SNTG2: variants seen among roughly 807,000 people sequenced by gnomAD.
SNTG2 encodes syntrophin gamma 2.
A neutral mutation model predicts 70.9 loss-of-function variants in SNTG2; 74 were observed. The ratio of observed to expected loss-of-function variants is 1.04; its 90% CI spans 0.86 to 1.27. The LOEUF (loss-of-function observed/expected upper bound fraction) is 1.27, where lower values mean the gene tolerates loss of function less well. SNTG2 is among the 50% of genes most tolerant of loss of function. The pLI, the probability that SNTG2 is intolerant of heterozygous loss-of-function variation, is 0.00. For synonymous variants in SNTG2, 278 were observed against 273.8 expected (o/e 1.02, Z -0.15); for missense variants, 717 against 690.7 (o/e 1.04, Z -0.43).
At chr2:1,137,024 C>T (rs148706944) in intron 4 of SNTG2, among the ~76,000 whole-genome samples, 4 of 152,260 alleles carry the variant, frequency 2.6e-5, no homozygotes, top group East Asian at 1.9e-4. Context: ...CCCTTTGTTA[C>T]GAGGAAGTGA....
intron 14 of SNTG2, among the ~76,000 whole-genome samples, chr2:1,290,171 G>T (rs1679931316): frequency 6.6e-6 from 1 of 152,110 alleles, no homozygotes; most frequent in Non-Finnish European, 1.5e-5. Context: ...TGGTTTAATT[G>T]ACTCACAGTT....
At chr2:1,222,528 G>GATCTTGTGTCT (rs1572780111) in intron 9 of SNTG2, among the ~76,000 whole-genome samples, 4 of 126,804 alleles carry the variant, frequency 3.2e-5, no homozygotes, top group East Asian at 4.6e-4. Flanking sequence ...CCTGCCTGCT[G>GATCTTGTGTCT]CTGGAGGTGC....
intron 1 of SNTG2, among the ~76,000 whole-genome samples, chr2:969,541 A>G (rs1660674290): frequency 6.6e-6 from 1 of 152,074 alleles, no homozygotes; most frequent in South Asian, 2.1e-4. Context: ...ATTTCTTTCA[A>G]CAGTGTTATC....
intron 1 of SNTG2, among the ~76,000 whole-genome samples, chr2:1,069,073 CAGTG>C (rs1663348101): frequency 6.6e-6 from 1 of 152,168 alleles, no homozygotes; most frequent in Non-Finnish European, 1.5e-5. Flanking sequence ...TTTCCAGTCA[CAGTG>C]AGGAATGTGT....
At chr2:1,002,951 A>G (rs183559026) in intron 1 of SNTG2, among the ~76,000 whole-genome samples, 3 of 152,094 alleles carry the variant, frequency 2.0e-5, no homozygotes, top group Non-Finnish European at 2.9e-5. Context: ...TTTCAGCAAC[A>G]TGGATGGAAG....
chr2:1,057,270 A>G (rs1376714864), intron 1 of SNTG2, among the ~76,000 whole-genome samples: 1 of 152,044 alleles, frequency 6.6e-6, no homozygotes, highest in Non-Finnish European at 1.5e-5. Flanking sequence ...TTTTATCTCT[A>G]TTCTGGCTGT....
At chr2:990,701 G>C (rs947429089) in intron 1 of SNTG2, among the ~76,000 whole-genome samples, 1 of 152,072 alleles carries the variant, frequency 6.6e-6, no homozygotes, top group Non-Finnish European at 1.5e-5. Context: ...TCAGTTCTAT[G>C]CATTATCAAT....
At chr2:1,065,944 A>G (rs961338935) in intron 1 of SNTG2, among the ~76,000 whole-genome samples, 1 of 152,214 alleles carries the variant, frequency 6.6e-6, no homozygotes, top group African/African-American at 2.4e-5. Flanking sequence ...ATAATCACAC[A>G]AGATTATCTA....
intron 16 of SNTG2, 65 bp downstream of exon 16, chr2:1,316,440 C>T (rs986184321): frequency 5.6e-5 from 45 of 799,096 alleles, no homozygotes; most frequent in Admixed American, 2.5e-4. Flanking sequence ...TCAGAGGGTC[C>T]GCTGGTAAAA....
intron 6 of SNTG2, among the ~76,000 whole-genome samples, chr2:1,143,159 C>T (rs1199182030): frequency 1.3e-5 from 2 of 151,852 alleles, no homozygotes; most frequent in Non-Finnish European, 2.9e-5. Flanking sequence ...GTTCTCATTC[C>T]CACTCTTTGC....
chr2:1,138,356 C>T (rs929872153), intron 6 of SNTG2, among the ~76,000 whole-genome samples: 3 of 152,192 alleles, frequency 2.0e-5, no homozygotes, highest in Admixed American at 1.3e-4. Flanking sequence ...GATGAGCTTT[C>T]TCCAATGTCA....
At chr2:1,274,307 T>G (rs977691558) in intron 14 of SNTG2, among the ~76,000 whole-genome samples, 1 of 152,218 alleles carries the variant, frequency 6.6e-6, no homozygotes, top group Non-Finnish European at 1.5e-5. Context: ...GCTTCATTTG[T>G]AAACAACAAT....
intron 14 of SNTG2, among the ~76,000 whole-genome samples, chr2:1,304,157 G>A (rs1180768798): frequency 6.6e-6 from 1 of 152,148 alleles, no homozygotes; most frequent in Non-Finnish European, 1.5e-5. Flanking sequence ...ATAAACTACA[G>A]ACCAATATTC....
At chr2:1,061,502 T>C (rs1180869152) in intron 1 of SNTG2, among the ~76,000 whole-genome samples, 2 of 152,232 alleles carry the variant, frequency 1.3e-5, no homozygotes, top group African/African-American at 2.4e-5. Flanking sequence ...GGCATGCTTA[T>C]TGAACGTTGT....
rs1266338036 is a variant in SNTG2, at chr2:1,097,270, C to T, written c.211-926C>T. On this transcript the variant is annotated intron_variant, in intron 2 of 16. Coordinates refer to ENST00000308624, the MANE Select transcript of SNTG2 (RefSeq NM_018968.4). This position sits in a 1 kb window ranked among gnomAD's most constrained non-coding sequence, Gnocchi z 4.1. Reference sequence around the variant, plus strand: ...CCTGCACCGCTGGCCGGGGCGGGAGCTCCCAGGTCCCCCCTTCGGCGTGGG... The same window carrying T: ...CCTGCACCGCTGGCCGGGGCGGGAGTTCCCAGGTCCCCCCTTCGGCGTGGG... Among the ~76,000 whole-genome samples the T allele has an allele frequency of 6.6e-6, 1 of 152,226 alleles. No individual in the cohort carries two copies. Among genetic ancestry groups the T allele is most frequent in the Non-Finnish European group, 1.5e-5 (1 of 68,046 alleles).
chr2:1,134,231 C>G (rs913842452), intron 4 of SNTG2, among the ~76,000 whole-genome samples: 1 of 152,168 alleles, frequency 6.6e-6, no homozygotes, highest in Non-Finnish European at 1.5e-5. Flanking sequence ...AAGAACAAAG[C>G]TTCCACAGTG....
chr2:1,049,624 G>A (rs906790233), intron 1 of SNTG2, among the ~76,000 whole-genome samples: 10 of 152,188 alleles, frequency 6.6e-5, no homozygotes, highest in African/African-American at 2.2e-4. Context: ...AGGCTTTTGT[G>A]TGGACATGTT....
At chr2:1,051,942 G>A (rs1040806907) in intron 1 of SNTG2, among the ~76,000 whole-genome samples, 5 of 152,164 alleles carry the variant, frequency 3.3e-5, no homozygotes, top group Non-Finnish European at 5.9e-5. Flanking sequence ...TATGAATTAC[G>A]CTGATTTTCA....
At chr2:992,235 A>G (rs1661521562) in intron 1 of SNTG2, among the ~76,000 whole-genome samples, 7 of 152,234 alleles carry the variant, frequency 4.6e-5, no homozygotes, top group Admixed American at 4.6e-4. Flanking sequence ...GAAAAGAAAT[A>G]TTGGGGAAAT....
Sources: allele counts gnomAD v4.1 joint callset (sites outside exome capture counted in the v4.1 genomes callset), GRCh38; gene constraint gnomAD v4.1.1; non-coding constraint Gnocchi (gnomAD v3.1); transcripts MANE v1.5; gene names NCBI Gene and HGNC (gene_info 2026-07-23, HGNC 2026-07-21).